Variants in SCAPER observed in about 807,000 individuals in gnomAD.
SCAPER encodes the protein S-phase cyclin A associated protein in the ER.
Under a neutral mutation model 182.2 loss-of-function variants are expected in SCAPER, and 98 were observed. That is an observed-to-expected ratio of 0.54 (90% CI 0.46 to 0.64). The LOEUF (loss-of-function observed/expected upper bound fraction) is 0.64, where lower values mean the gene tolerates loss of function less well. Among genes scored for constraint, SCAPER ranks in the 30% least tolerant of loss-of-function variants. SCAPER has a pLI of 0.00. For missense variants in SCAPER, 1,432 were observed against 1,690.0 expected (o/e 0.85, Z 2.68); for synonymous variants, 605 against 564.6 (o/e 1.07, Z -1.01).
chr15:76,855,715 T>G (rs2071295087), intron 4 of SCAPER: 1 of 205,384 alleles, frequency 4.9e-6, no homozygotes, highest in Non-Finnish European at 1.1e-5. Flanking sequence ...AAAATCACAA[T>G]GAGATACCAC....
intron 30 of SCAPER, 128 bp from the exon 31 acceptor site, chr15:76,351,416 A>G (rs2040539500): frequency 1.5e-6 from 1 of 679,020 alleles, no homozygotes; most frequent in African/African-American, 1.9e-5. Flanking sequence ...CCAAATATAA[A>G]CGCTGAAGAA....
Position 76,752,437 on chromosome 15 carries a change from T to C in SCAPER, c.1866+1371A>G, listed in dbSNP as rs181782578. On this transcript the variant is annotated intron_variant, in intron 15 of 31. Transcript: ENST00000563290. The stretch of plus-strand genomic sequence containing the variant: ...GGAGAGTTATTTGTACACCCATATT[T>C]ACAACAGCACTGTTCACAATAGCTA... Among the ~76,000 whole-genome samples, 25 of 151,922 alleles carry C rather than the reference T, an allele frequency of 1.6e-4. No individual in the cohort carries two copies. The East Asian group carries it at 2.5e-3, about 15-fold the overall frequency.
chr15:76,737,130 C>T (rs2061316010), intron 15 of SCAPER: 1 of 152,492 alleles, frequency 6.6e-6, no homozygotes, highest in African/African-American at 2.4e-5. Flanking sequence ...ATGGTGAGTC[C>T]TTTCCAGAAA....
Position 76,705,903 on chromosome 15 carries a change from C to T in SCAPER, c.2247G>A (p.Lys749=), listed in dbSNP as rs915214743. 32 of 1,544,838 alleles carry T rather than the reference C, an allele frequency of 2.1e-5. No homozygotes were observed. Among genetic ancestry groups the T allele is most frequent in the Admixed American group, 1.6e-4 (8 of 51,532 alleles). Residue 749 remains lysine (K), a splice_region_variant and synonymous_variant, in exon 18 of 32, where the codon AAG becomes AAA. Transcript: ENST00000563290. ...AATTAAAAATATATAATATCCTTAC[C>T]TTGAGCTGAATTTTTTTCTGTAACT... ...MEELQKKIQL[K]HDESIRRHME... is the part of the protein sequence containing the mutation.
chr15:76,820,804 A>C (rs2067482500), intron 5 of SCAPER, among the ~76,000 whole-genome samples: 1 of 152,194 alleles, frequency 6.6e-6, no homozygotes, highest in African/African-American at 2.4e-5. Flanking sequence ...TTGATTAAAT[A>C]ATAAGCCAAA....
At chr15:76,358,562 C>T (rs1197018015) in intron 29 of SCAPER, among the ~76,000 whole-genome samples, 1 of 152,236 alleles carries the variant, frequency 6.6e-6, no homozygotes, top group Non-Finnish European at 1.5e-5. Flanking sequence ...TATGTGCTCA[C>T]ATGGTCTCTC....
At position 76,869,109 on chromosome 15, in the gene SCAPER, T is replaced by C. The variant is rs187963537; in HGVS notation, c.7-6576A>G. Among the ~76,000 whole-genome samples the C allele has an allele frequency of 3.2e-3, 494 of 152,116 alleles. 2 individuals carry two copies. Among genetic ancestry groups the C allele is most frequent in the Non-Finnish European group, 5.9e-3 (400 of 67,968 alleles). ...TCCTATCTCTCACCATACCAAAAAA[T>C]CAAATCAAAATGGATTAAAAACTTC... On this transcript the variant is annotated intron_variant, in intron 2 of 31. Transcript: ENST00000563290.
chr15:76,696,225 TG>T (rs1167803133), intron 20 of SCAPER, among the ~76,000 whole-genome samples: 1 of 152,218 alleles, frequency 6.6e-6, no homozygotes. Context: ...AGGCGCACCC[TG>T]GCCAAGACAG....
intron 25 of SCAPER, among the ~76,000 whole-genome samples, chr15:76,436,893 C>A (rs1596610943): frequency 6.6e-6 from 1 of 152,186 alleles, no homozygotes; most frequent in South Asian, 2.1e-4. Context: ...AGTCTATTGT[C>A]CTGGGACAGT....
chr15:76,612,215 AGCTGCTGCT>A (rs561901826), intron 22 of SCAPER, among the ~76,000 whole-genome samples: 1 of 151,962 alleles, frequency 6.6e-6, no homozygotes, highest in Non-Finnish European at 1.5e-5. Flanking sequence ...CAGCCCAAAA[AGCTGCTGCT>A]GCTGCTGCTG....
intron 22 of SCAPER, 35 bp from the exon 23 acceptor site, chr15:76,574,319 A>G: frequency 2.5e-6 from 4 of 1,601,720 alleles, no homozygotes; most frequent in Non-Finnish European, 3.4e-6. Flanking sequence ...AATGACATTA[A>G]TGAAACAGAC....
At chr15:76,838,750 T>G (rs1011928095) in intron 5 of SCAPER, among the ~76,000 whole-genome samples, 2 of 152,102 alleles carry the variant, frequency 1.3e-5, no homozygotes, top group Non-Finnish European at 2.9e-5. Context: ...TCCCAGCATG[T>G]TTTCCCCCAA....
intron 23 of SCAPER, among the ~76,000 whole-genome samples, chr15:76,520,919 G>A (rs191585743): frequency 2.0e-5 from 3 of 152,286 alleles, no homozygotes; most frequent in Admixed American, 2.0e-4. Context: ...TAAAGTGAAT[G>A]CAATTATATA....
intron 24 of SCAPER, among the ~76,000 whole-genome samples, chr15:76,478,088 C>T (rs1409919237): frequency 2.0e-5 from 3 of 151,860 alleles, no homozygotes; most frequent in African/African-American, 7.2e-5. Flanking sequence ...TTTAAGTTTA[C>T]TTCTGGTGCT....
At chr15:76,862,561 A>T (rs775646586) in intron 2 of SCAPER, 28 bp from the exon 3 acceptor site, 6 of 1,301,372 alleles carry the variant, frequency 4.6e-6, no homozygotes, top group Non-Finnish European at 6.5e-6. Context: ...GGTACTTATT[A>T]GATTATTAGA....
chr15:76,778,383 A>G (rs2063873483), intron 8 of SCAPER, among the ~76,000 whole-genome samples: 1 of 152,158 alleles, frequency 6.6e-6, no homozygotes, highest in African/African-American at 2.4e-5. Flanking sequence ...GTTATACCTA[A>G]AGTAACCACT....
chr15:76,616,625 A>G (rs1332169158), intron 22 of SCAPER, among the ~76,000 whole-genome samples: 3 of 152,178 alleles, frequency 2.0e-5, no homozygotes, highest in Non-Finnish European at 4.4e-5. Context: ...AAATTTTGCT[A>G]TATGTATTTC....
chr15:76,399,832 CCATCTCTA>C (rs2044330201), intron 27 of SCAPER, among the ~76,000 whole-genome samples: 3 of 151,824 alleles, frequency 2.0e-5, no homozygotes, highest in African/African-American at 7.3e-5. Flanking sequence ...TGGTGAAACT[CCATCTCTA>C]CTAAAAATAC....
At chr15:76,662,333 T>C (rs566395401) in intron 21 of SCAPER, among the ~76,000 whole-genome samples, 8 of 152,134 alleles carry the variant, frequency 5.3e-5, no homozygotes, top group Admixed American at 1.3e-4. Flanking sequence ...CTGGGACTTA[T>C]AGTAAAATAA....
Sources: allele counts gnomAD v4.1 joint callset (sites outside exome capture counted in the v4.1 genomes callset), GRCh38; gene constraint gnomAD v4.1.1; transcripts MANE v1.5; gene names NCBI Gene and HGNC (gene_info 2026-07-23, HGNC 2026-07-21).